Variants in LMNA observed in about 807,000 individuals in gnomAD.
LMNA encodes lamin A/C, also known as lamin.
Under a neutral mutation model 70.4 loss-of-function variants are expected in LMNA, and 20 were observed. The ratio of observed to expected loss-of-function variants is 0.28; its 90% CI spans 0.20 to 0.41. LMNA has a LOEUF of 0.41. Among genes scored for constraint, LMNA ranks in the 10% least tolerant of loss-of-function variants. LMNA has a pLI of 1.00. For missense variants in LMNA, 652 were observed against 917.2 expected (o/e 0.71, Z 3.73); for synonymous variants, 339 against 372.8 (o/e 0.91, Z 1.04).
At chr1:156,130,498 C>G (rs1650954595) in intron 1 of LMNA, 119 bp from the exon 2 acceptor site, 6 of 1,103,582 alleles carry the variant, frequency 5.4e-6, no homozygotes, top group Non-Finnish European at 8.3e-6. Context: ...CAAGGATGCC[C>G]TCTCCTGGTA....
At chr1:156,126,358 T>C in intron 1 of LMNA, 2 of 773,148 alleles carry the variant, frequency 2.6e-6, no homozygotes, top group East Asian at 2.8e-5. Flanking sequence ...CTCCCCCAGA[T>C]TGGGAGAGGA....
chr1:156,120,130 A>G (rs548289248), intron 1 of LMNA, among the ~76,000 whole-genome samples: 67 of 152,286 alleles, frequency 4.4e-4, no homozygotes, highest in African/African-American at 1.6e-3. Context: ...TGGATTGCCC[A>G]CTGTTGCAGC....
rs41313880 is a variant in LMNA, at chr1:156,130,617, C to T, written c.357C>T (p.Arg119=). ...VREEFKELKA[R]NTKKEGDLIA... ...ATCTACTCTCCCCTCTCTTCTTTAGCAATACCAAGAAGGAGGGTGACCTGA... is the reference window on the plus strand; with the variant it reads ...ATCTACTCTCCCCTCTCTTCTTTAGTAATACCAAGAAGGAGGGTGACCTGA... The change falls in exon 2 of 12, where the codon CGC becomes CGT. Residue 119 remains arginine (R), a splice_region_variant and synonymous_variant. Coordinates refer to ENST00000368300, the MANE Select transcript of LMNA (RefSeq NM_170707.4). The T allele has an allele frequency of 3.1e-3, 5,021 of 1,613,826 alleles. 14 individuals are homozygous for T. Among genetic ancestry groups the T allele is most frequent in the Non-Finnish European group, 3.3e-3 (3,863 of 1,179,880 alleles).
rs1000259993 is a variant in LMNA at position 156,135,413 on chromosome 1, T to C, written c.936+101T>C. On this transcript the variant is annotated intron_variant, in intron 5 of 11. Transcript: ENST00000368300. The surrounding 1 kb of genome is among the most constrained non-coding windows in gnomAD (Gnocchi z 4.8). ...GGTGGGGGTGGGGGTGGGAGGTTCCTGAGGAGGAGAGGGATGAAAAGTGTC... is the reference window on the plus strand; with the variant it reads ...GGTGGGGGTGGGGGTGGGAGGTTCCCGAGGAGGAGAGGGATGAAAAGTGTC... The C allele has an allele frequency of 6.5e-5, 93 of 1,426,204 alleles. No individual in the cohort carries two copies. Among genetic ancestry groups the C allele is most frequent in the Non-Finnish European group, 2.7e-5 (28 of 1,040,350 alleles). 88.3% of individuals were successfully genotyped at this position (1,426,204 alleles called of 1,614,324 possible).
intron 3 of LMNA, among the ~76,000 whole-genome samples, chr1:156,096,994 C>T (rs919271499): frequency 7.2e-5 from 11 of 152,276 alleles, no homozygotes; most frequent in South Asian, 4.1e-4. Flanking sequence ...CAGCCTAACA[C>T]GGCAGGGAAG....
chr1:156,135,882 C>A lies in LMNA; in HGVS notation c.937-19C>A. Reference sequence around the variant, plus strand: ...TTAGGGCCCTTGGGAGCTCACCAAACCCTCCCACCCCCCTTCAGCTGGCAG... The same window carrying A: ...TTAGGGCCCTTGGGAGCTCACCAAAACCTCCCACCCCCCTTCAGCTGGCAG... On this transcript the variant is annotated intron_variant, in intron 5 of 11. Transcript: ENST00000368300. This position sits in a 1 kb window ranked among gnomAD's most constrained non-coding sequence, Gnocchi z 4.8. 2 of 1,606,458 alleles carry A rather than the reference C, an allele frequency of 1.2e-6. No homozygotes were observed. The highest frequency in any genetic ancestry group is 1.7e-6 in the Non-Finnish European group (2 of 1,174,220).
rs374768416 is a variant in LMNA, at chr1:156,136,127, C to G, written c.1157+6C>G. 14 of 1,613,800 alleles carry G rather than the reference C, an allele frequency of 8.7e-6. No homozygotes were observed. Among genetic ancestry groups the G allele is most frequent in the Non-Finnish European group, 1.2e-5 (14 of 1,180,014 alleles). On this transcript the variant is annotated splice_donor_region_variant and intron_variant, in intron 6 of 11. Coordinates refer to ENST00000368300, the MANE Select transcript of LMNA (RefSeq NM_170707.4). This position sits in a 1 kb window ranked among gnomAD's most constrained non-coding sequence, Gnocchi z 6.1. ...TTGGAGGGCGAGGAGGAGAGGTGGG[C>G]TGGGGAGACGTCGGGGAGGTGCTGG...
At chr1:156,108,326 G>C (rs1649422859) in intron 3 of LMNA, among the ~76,000 whole-genome samples, 1 of 152,070 alleles carries the variant, frequency 6.6e-6, no homozygotes, top group South Asian at 2.1e-4. Context: ...TCACTATAAA[G>C]AGATTCCCAA....
At position 156,136,708 on chromosome 1, in the gene LMNA, A is replaced by G. The variant is rs1008123540; in HGVS notation, c.1381-213A>G. ...ATCCCTAAGTCTTTGAGTTGTCAGGAAGATGAAAGATAAGGTATCCGTGTG... is the reference window on the plus strand; with the variant it reads ...ATCCCTAAGTCTTTGAGTTGTCAGGGAGATGAAAGATAAGGTATCCGTGTG... On this transcript the variant is annotated intron_variant, in intron 7 of 11. Coordinates refer to ENST00000368300, the MANE Select transcript of LMNA (RefSeq NM_170707.4). The surrounding 1 kb of genome is among the most constrained non-coding windows in gnomAD (Gnocchi z 6.1). 22 of 674,540 alleles carry G rather than the reference A, an allele frequency of 3.3e-5. No individual in the cohort carries two copies. The highest frequency in any genetic ancestry group is 3.0e-4 in the African/African-American group (17 of 56,352). The allele number at this position is 674,540 out of a possible 1,614,324, so 41.8% of individuals were successfully genotyped here. A position where few individuals can be genotyped will look rare whatever the true frequency, so the allele number is the denominator to read the frequency against.
At position 156,138,690 on chromosome 1, in the gene LMNA, G is replaced by T. The variant is rs1470825986; in HGVS notation, c.1901G>T (p.Gly634Val). Residue 634 changes from glycine to valine, a missense_variant, in exon 11 of 12, where the codon GGT becomes GTT. By Grantham distance (109) the Gly-to-Val change is moderately radical (BLOSUM62 -3). Coordinates refer to ENST00000368300, the MANE Select transcript of LMNA (RefSeq NM_170707.4). The surrounding 1 kb of genome is among the most constrained non-coding windows in gnomAD (Gnocchi z 5.5). ...RSYRSVGGSG[G>V]GSFGDNLVTR... ...TACCGCAGTGTGGGGGGCAGTGGGG[G>T]TGGCAGCTTCGGGGACAATCTGGTC... 11 of 1,613,702 alleles carry T rather than the reference G, an allele frequency of 6.8e-6. No homozygotes were observed. Among genetic ancestry groups the T allele is most frequent in the Non-Finnish European group, 9.3e-6 (11 of 1,180,008 alleles).
chr1:156,099,989 TGC>T (rs1649088130), intron 3 of LMNA, among the ~76,000 whole-genome samples: 2 of 152,042 alleles, frequency 1.3e-5, no homozygotes, highest in African/African-American at 4.8e-5. Flanking sequence ...GCAATGTTGA[TGC>T]CCAGTGAGGG....
Position 156,137,695 on chromosome 1 carries a change from T to A in LMNA, c.1650T>A (p.Val550=). 6.4e-7 allele frequency: 1 copy of A among 1,556,440 alleles called. No individual in the cohort carries two copies. ...AGCTGGTGCGCTCAGTGACTGTGGT[T>A]GAGGACGACGAGGATGAGGATGGAG... ...MRKLVRSVTV[V]EDDEDEDGDD... The change falls in exon 10 of 12, where the codon GTT becomes GTA. Residue 550 remains valine (V), a synonymous_variant. Transcript: ENST00000368300. The surrounding 1 kb of genome is among the most constrained non-coding windows in gnomAD (Gnocchi z 4.6).
chr1:156,130,606 C>T lies in LMNA; in HGVS notation c.357-11C>T. 6.2e-7 allele frequency: 1 copy of T among 1,613,694 alleles called. No homozygotes were observed. Among genetic ancestry groups the T allele is most frequent in the Non-Finnish European group, 8.5e-7 (1 of 1,179,852 alleles). On this transcript the variant is annotated splice_polypyrimidine_tract_variant and intron_variant, in intron 1 of 11. Coordinates refer to ENST00000368300, the MANE Select transcript of LMNA (RefSeq NM_170707.4). ...CCTTCTCTTAAATCTACTCTCCCCT[C>T]TCTTCTTTAGCAATACCAAGAAGGA...
Position 156,135,460 on chromosome 1 carries a change from C to T in LMNA, c.936+148C>T, listed in dbSNP as rs372522811. ...TGTCCCCACAACCACAGAGAAGGGT[C>T]GCAGGATGTGGAGTCAGATGGCCTG... On this transcript the variant is annotated intron_variant, in intron 5 of 11. Coordinates refer to ENST00000368300, the MANE Select transcript of LMNA (RefSeq NM_170707.4). This position sits in a 1 kb window ranked among gnomAD's most constrained non-coding sequence, Gnocchi z 4.8. 11 of 1,042,132 alleles carry T rather than the reference C, an allele frequency of 1.1e-5. No individual in the cohort carries two copies. The highest frequency in any genetic ancestry group is 3.2e-5 in the African/African-American group (2 of 63,134). 64.6% of individuals were successfully genotyped at this position (1,042,132 alleles called of 1,614,324 possible). A position where few individuals can be genotyped will look rare whatever the true frequency, so the allele number is the denominator to read the frequency against.
intron 3 of LMNA, among the ~76,000 whole-genome samples, chr1:156,098,442 T>C (rs1649021355): frequency 1.3e-5 from 2 of 152,136 alleles, no homozygotes; most frequent in Admixed American, 6.5e-5. Flanking sequence ...ACAGATGAAA[T>C]TGGATAACCT....
At position 156,103,668 on chromosome 1, in the gene LMNA, C is replaced by G. The variant is rs1415436693; in HGVS notation, c.-206-11045C>G. 6.6e-6 allele frequency among the ~76,000 whole-genome samples: 1 copy of G among 152,152 alleles called. No individual in the cohort carries two copies. Among genetic ancestry groups the G allele is most frequent in the South Asian group, 2.1e-4 (1 of 4,828 alleles). On this transcript the variant is annotated intron_variant, in intron 3 of 12. Coordinates refer to the LMNA transcript ENST00000368301. This position sits in a 1 kb window ranked among gnomAD's most constrained non-coding sequence, Gnocchi z 4.7. ...GTCCCCTCTCCGGGGGCTGCCCCCT[C>G]CCAGTTTCTGACTAATCCTTTCCAT...
chr1:156,123,363 A>G (rs374315255), intron 1 of LMNA: 2 of 152,188 alleles, frequency 1.3e-5, no homozygotes, highest in South Asian at 2.1e-4. Flanking sequence ...TTCTGAGGCT[A>G]GAGCTGGAAT....
intron 2 of LMNA, among the ~76,000 whole-genome samples, chr1:156,088,522 G>A (rs1357791964): frequency 6.6e-6 from 1 of 152,144 alleles, no homozygotes; most frequent in Admixed American, 6.5e-5. Context: ...ATGGTCTTTG[G>A]GGTAGAGCAC....
At chr1:156,117,894 C>A (rs1272612942) in intron 1 of LMNA, among the ~76,000 whole-genome samples, 2 of 151,730 alleles carry the variant, frequency 1.3e-5, no homozygotes, top group Non-Finnish European at 2.9e-5. Flanking sequence ...GGAACTCCTC[C>A]TGGGCTCAAG....
Sources: allele counts gnomAD v4.1 joint callset (sites outside exome capture counted in the v4.1 genomes callset), GRCh38; gene constraint gnomAD v4.1.1; non-coding constraint Gnocchi (gnomAD v3.1); transcripts MANE v1.5; gene names NCBI Gene and HGNC (gene_info 2026-07-23, HGNC 2026-07-21).